Variants in GADL1 observed in about 807,000 individuals in gnomAD.
The protein encoded by GADL1 is acidic amino acid decarboxylase GADL1.
GADL1 carries 71 observed loss-of-function variants against 69.5 expected under a neutral mutation model. The ratio of observed to expected loss-of-function variants is 1.02; its 90% CI spans 0.84 to 1.25. The LOEUF (loss-of-function observed/expected upper bound fraction) is 1.25, where lower values mean the gene tolerates loss of function less well. Ranked by LOEUF, GADL1 falls within the 50% of genes most tolerant of loss-of-function variation. The pLI is 0.00. For missense variants in GADL1, 737 were observed against 631.8 expected (o/e 1.17, Z -1.79); for synonymous variants, 254 against 214.4 (o/e 1.18, Z -1.62).
At chr3:30,777,484 C>T (rs1696564110) in intron 14 of GADL1, among the ~76,000 whole-genome samples, 1 of 152,174 alleles carries the variant, frequency 6.6e-6, no homozygotes, top group Non-Finnish European at 1.5e-5. Flanking sequence ...TTCATGCATC[C>T]AGAAAGTGGG....
intron 1 of GADL1, among the ~76,000 whole-genome samples, chr3:30,894,205 A>G (rs990946492): frequency 1.2e-4 from 18 of 152,176 alleles, no homozygotes; most frequent in Non-Finnish European, 2.5e-4. Context: ...AAGGACTGAG[A>G]TGATGCTGTC....
chr3:30,876,357 C>G (rs1410158837), intron 1 of GADL1, among the ~76,000 whole-genome samples: 1 of 151,982 alleles, frequency 6.6e-6, no homozygotes, highest in Non-Finnish European at 1.5e-5. Context: ...GTAATGTGTA[C>G]TGATAAATTG....
At chr3:30,779,664 G>A (rs1032005249) in intron 13 of GADL1, among the ~76,000 whole-genome samples, 1 of 152,168 alleles carries the variant, frequency 6.6e-6, no homozygotes, top group Admixed American at 6.5e-5. Context: ...AGCATTTAAT[G>A]TGAACACATT....
At chr3:30,767,879 A>AAT (rs1318699829) in intron 14 of GADL1, among the ~76,000 whole-genome samples, 2 of 152,216 alleles carry the variant, frequency 1.3e-5, no homozygotes, top group South Asian at 2.1e-4. Flanking sequence ...ATTTATAAGG[A>AAT]AAAACATCAG....
At chr3:30,781,065 A>G (rs1019530867) in intron 13 of GADL1, among the ~76,000 whole-genome samples, 2 of 152,268 alleles carry the variant, frequency 1.3e-5, no homozygotes, top group African/African-American at 4.8e-5. Context: ...GTGTCCTGAG[A>G]ACACATTTAG....
intron 11 of GADL1, among the ~76,000 whole-genome samples, chr3:30,826,003 T>TA (rs571756209): frequency 1.0e-3 from 154 of 151,984 alleles, no homozygotes; most frequent in Non-Finnish European, 1.7e-3. Context: ...TGGAATCCAT[T>TA]AAAAAATAGT....
At chr3:30,739,282 A>C (rs1240895371) in intron 14 of GADL1, among the ~76,000 whole-genome samples, 1 of 152,056 alleles carries the variant, frequency 6.6e-6, no homozygotes, top group Non-Finnish European at 1.5e-5. Flanking sequence ...GAGACATTCC[A>C]ATTATGCCTT....
intron 13 of GADL1, 87 bp downstream of exon 13, chr3:30,786,268 C>A (rs1321712420): frequency 4.9e-5 from 40 of 822,684 alleles, no homozygotes; most frequent in Non-Finnish European, 2.1e-6. Flanking sequence ...AACACAAAAA[C>A]CAATGAAACA....
At chr3:30,842,522 A>C (rs1307390209) in intron 8 of GADL1, among the ~76,000 whole-genome samples, 1 of 152,038 alleles carries the variant, frequency 6.6e-6, no homozygotes, top group Non-Finnish European at 1.5e-5. Context: ...GAGAAGTTTA[A>C]AATTTAAGAA....
In GADL1 at chr3:30,846,807, C is replaced by G. The variant is rs531718354; in HGVS notation, c.652-2341G>C. ...CTTGCCCGTGGAGAAGACCTGCAAT[C>G]ACATCCCATCGCAACTCAACCTCAG... is the stretch of plus-strand genomic sequence containing the variant. On this transcript the variant is annotated intron_variant, in intron 6 of 14. Transcript: ENST00000282538. Among the ~76,000 whole-genome samples the G allele has an allele frequency of 2.6e-5, 4 of 152,242 alleles. No homozygotes were observed. In the South Asian group the frequency reaches 8.3e-4, roughly 32 times the overall value.
rs1485177402 is a variant in GADL1 at position 30,845,410 on chromosome 3, C to A, written c.652-944G>T. Among the ~76,000 whole-genome samples, 6 of 151,806 alleles carry A rather than the reference C, an allele frequency of 4.0e-5. No individual in the cohort carries two copies. The Middle Eastern group carries it at 0.017, about 430-fold the overall frequency. On this transcript the variant is annotated intron_variant, in intron 6 of 14. Transcript: ENST00000282538. Reference sequence around the variant, plus strand: ...GAAGGTGCTAAAGGACATTATTGTACCAAAAAAAAATCTTAGTAATTTGTA... The same window carrying A: ...GAAGGTGCTAAAGGACATTATTGTAACAAAAAAAAATCTTAGTAATTTGTA...
At chr3:30,755,061 G>A (rs1015813376) in intron 14 of GADL1, among the ~76,000 whole-genome samples, 2 of 152,102 alleles carry the variant, frequency 1.3e-5, no homozygotes, top group Non-Finnish European at 2.9e-5. Context: ...ATATCCAGAG[G>A]ATTTAGCCTA....
chr3:30,888,704 T>A (rs1698742280), intron 1 of GADL1, among the ~76,000 whole-genome samples: 1 of 152,094 alleles, frequency 6.6e-6, no homozygotes, highest in Admixed American at 6.6e-5. Context: ...AAGGAGACAG[T>A]CTCAAGGGCA....
chr3:30,883,967 A>G (rs890341211), intron 1 of GADL1, among the ~76,000 whole-genome samples: 1 of 152,196 alleles, frequency 6.6e-6, no homozygotes, highest in African/African-American at 2.4e-5. Context: ...AGAGCTGTGG[A>G]AAGACAACTG....
intron 11 of GADL1, among the ~76,000 whole-genome samples, chr3:30,812,317 T>C (rs916615659): frequency 1.3e-5 from 2 of 152,200 alleles, no homozygotes; most frequent in African/African-American, 4.8e-5. Flanking sequence ...TATTAGTCTG[T>C]TTTCATGCTG....
intron 14 of GADL1, among the ~76,000 whole-genome samples, chr3:30,733,176 A>G (rs1695489090): frequency 6.6e-6 from 1 of 152,226 alleles, no homozygotes; most frequent in African/African-American, 2.4e-5. Context: ...TGAAATAAAA[A>G]TACAAGCCCA....
Position 30,894,571 on chromosome 3 carries a change from T to C in GADL1, c.37+7A>G, listed in dbSNP as rs1698831600. 1 of 1,547,950 alleles carries C rather than the reference T, an allele frequency of 6.5e-7. No homozygotes were observed. The highest frequency in any genetic ancestry group is 8.7e-7 in the Non-Finnish European group (1 of 1,145,170). Reference sequence around the variant, plus strand: ...GGACAAAAACCGCAGCCGCGCTGAGTCGTTACCGTCCACAGGACACTGGCG... The same window carrying C: ...GGACAAAAACCGCAGCCGCGCTGAGCCGTTACCGTCCACAGGACACTGGCG... On this transcript the variant is annotated splice_region_variant and intron_variant, in intron 1 of 14. Coordinates refer to ENST00000282538, the MANE Select transcript of GADL1 (RefSeq NM_207359.3).
chr3:30,821,257 C>T (rs1697574303), intron 11 of GADL1, among the ~76,000 whole-genome samples: 2 of 151,874 alleles, frequency 1.3e-5, no homozygotes, highest in African/African-American at 2.4e-5. Flanking sequence ...TGCAGCACAC[C>T]AGCATGGCAC....
chr3:30,841,973 T>A (rs974593714), intron 8 of GADL1, among the ~76,000 whole-genome samples: 5 of 152,130 alleles, frequency 3.3e-5, no homozygotes, highest in African/African-American at 1.2e-4. Flanking sequence ...AGGTGAGCAC[T>A]TAGGGTCTCA....
Sources: allele counts gnomAD v4.1 joint callset (sites outside exome capture counted in the v4.1 genomes callset), GRCh38; gene constraint gnomAD v4.1.1; transcripts MANE v1.5; gene names NCBI Gene and HGNC (gene_info 2026-07-23, HGNC 2026-07-21).